The following DCC variants were observed in gnomAD, a reference collection of about 807,000 sequenced individuals.
The protein encoded by DCC is DCC netrin 1 receptor, also known as netrin receptor DCC.
DCC carries 58 observed loss-of-function variants against 172.5 expected under a neutral mutation model. The observed-to-expected ratio is 0.34, with a 90% CI of 0.27 to 0.42. The LOEUF is 0.42. Among genes scored for constraint, DCC ranks in the 10% least tolerant of loss-of-function variants. The pLI is 1.00. For synonymous variants in DCC, 709 were observed against 644.5 expected, an observed-to-expected ratio of 1.10 and a Z score of -1.52; for missense variants, 1,740 against 1,791.0, an observed-to-expected ratio of 0.97 and a Z score of 0.51.
rs547288273 is a variant in DCC at position 53,504,591 on chromosome 18, G to C, written c.4111+5081G>C. Among the ~76,000 whole-genome samples the C allele has an allele frequency of 5.9e-5, 9 of 152,172 alleles. No individual in the cohort carries two copies. In the South Asian group the frequency reaches 1.9e-3, roughly 32 times the overall value. On this transcript the variant is annotated intron_variant, in intron 27 of 28. Coordinates refer to ENST00000442544, the MANE Select transcript of DCC (RefSeq NM_005215.4). ...AATTAGGATGATTCGATTTGGTCTG[G>C]TCATCCTAAATTACCATTGGTAAAA...
At chr18:52,520,499 G>A (rs940558218) in intron 1 of DCC, among the ~76,000 whole-genome samples, 1 of 152,086 alleles carries the variant, frequency 6.6e-6, no homozygotes, top group Admixed American at 6.5e-5. Context: ...TTAATGGTAG[G>A]GTTTCCCGGA....
At chr18:52,445,549 G>T (rs1026725290) in intron 1 of DCC, among the ~76,000 whole-genome samples, 1 of 152,032 alleles carries the variant, frequency 6.6e-6, no homozygotes, top group African/African-American at 2.4e-5. Context: ...TTTAAGTGTT[G>T]TTTATCTGTT....
intron 14 of DCC, among the ~76,000 whole-genome samples, chr18:53,326,187 G>A (rs954104717): frequency 6.6e-6 from 1 of 152,008 alleles, no homozygotes; most frequent in Non-Finnish European, 1.5e-5. Flanking sequence ...ATACACATAA[G>A]CAATCTGAAA....
At chr18:53,346,291 T>A (rs2144885935) in intron 15 of DCC, among the ~76,000 whole-genome samples, 1 of 152,298 alleles carries the variant, frequency 6.6e-6, no homozygotes, top group East Asian at 1.9e-4. Flanking sequence ...TACTATATCT[T>A]GCCTGTGTGT....
chr18:52,930,875 C>G (rs1598942840), intron 5 of DCC, among the ~76,000 whole-genome samples: 1 of 152,174 alleles, frequency 6.6e-6, no homozygotes, highest in Non-Finnish European at 1.5e-5. Context: ...ATTAGACTTA[C>G]ATTTTTATTC....
intron 7 of DCC, among the ~76,000 whole-genome samples, chr18:53,099,943 C>CTTTTTTTTTTTTTTTTT (rs533618559): frequency 5.4e-5 from 5 of 92,748 alleles, no homozygotes; most frequent in African/African-American, 2.0e-4. Flanking sequence ...TTCTTTCTTT[C>CTTTTTTTTTTTTTTTTT]TTTTTTTTTT....
intron 2 of DCC, among the ~76,000 whole-genome samples, chr18:52,886,783 TG>T (rs2039577001): frequency 6.6e-6 from 1 of 151,976 alleles, no homozygotes; most frequent in Admixed American, 6.6e-5. Context: ...GTTCTTCTGA[TG>T]GTGCTTTTTG....
intron 5 of DCC, among the ~76,000 whole-genome samples, chr18:53,057,001 T>C (rs1005579533): frequency 1.3e-5 from 2 of 150,154 alleles, no homozygotes; most frequent in African/African-American, 4.9e-5. Context: ...TACAGTGATA[T>C]TTTAAAATTG....
intron 9 of DCC, among the ~76,000 whole-genome samples, chr18:53,198,135 T>C (rs2055476792): frequency 6.6e-6 from 1 of 152,140 alleles, no homozygotes; most frequent in African/African-American, 2.4e-5. Context: ...CTATGAATGA[T>C]TTGATGATAA....
intron 2 of DCC, among the ~76,000 whole-genome samples, chr18:52,832,453 A>AAACG (rs920945804): frequency 7.2e-5 from 11 of 151,816 alleles, no homozygotes; most frequent in African/African-American, 2.4e-4. Context: ...GTGCACCCTC[A>AAACG]AAAACCCTGT....
At chr18:52,512,514 A>G (rs1314733143) in intron 1 of DCC, among the ~76,000 whole-genome samples, 1 of 152,200 alleles carries the variant, frequency 6.6e-6, no homozygotes. Flanking sequence ...TTAAATTTTA[A>G]TTAAATTTGA....
intron 26 of DCC, among the ~76,000 whole-genome samples, chr18:53,493,020 T>G (rs1186194508): frequency 6.6e-6 from 1 of 152,228 alleles, no homozygotes; most frequent in African/African-American, 2.4e-5. Context: ...GTAGTTCTCT[T>G]TGAAGATGTC....
intron 24 of DCC, among the ~76,000 whole-genome samples, chr18:53,461,983 GT>G (rs1291945039): frequency 6.6e-6 from 1 of 152,194 alleles, no homozygotes; most frequent in African/African-American, 2.4e-5. Flanking sequence ...CAGAAACACT[GT>G]TACATCTTTT....
chr18:52,693,424 A>T (rs2145016917), intron 1 of DCC, among the ~76,000 whole-genome samples: 1 of 147,724 alleles, frequency 6.8e-6, no homozygotes, highest in East Asian at 1.9e-4. Context: ...TATAATATTT[A>T]CATATAAAAT....
chr18:52,885,447 C>A (rs2145412480), intron 2 of DCC, among the ~76,000 whole-genome samples: 1 of 152,266 alleles, frequency 6.6e-6, no homozygotes, highest in East Asian at 1.9e-4. Context: ...CTACCACCAG[C>A]CCACACGGGA....
intron 15 of DCC, among the ~76,000 whole-genome samples, chr18:53,366,762 G>C (rs1198542546): frequency 1.3e-5 from 2 of 152,136 alleles, no homozygotes; most frequent in Non-Finnish European, 2.9e-5. Context: ...GTTGTGCATG[G>C]TTGTATGACT....
At chr18:53,031,603 A>T (rs1348421536) in intron 5 of DCC, among the ~76,000 whole-genome samples, 1 of 152,156 alleles carries the variant, frequency 6.6e-6, no homozygotes, top group Non-Finnish European at 1.5e-5. Context: ...GAGTGAAAAA[A>T]AGGAAAGGGA....
intron 1 of DCC, among the ~76,000 whole-genome samples, chr18:52,480,705 G>T (rs1035066678): frequency 1.3e-5 from 2 of 152,194 alleles, no homozygotes; most frequent in Non-Finnish European, 2.9e-5. Flanking sequence ...GTGTTTTCTG[G>T]TTGAATTTGC....
At chr18:52,889,007 TATAAC>T (rs2039608866) in intron 2 of DCC, among the ~76,000 whole-genome samples, 1 of 151,966 alleles carries the variant, frequency 6.6e-6, no homozygotes, top group South Asian at 2.1e-4. Flanking sequence ...TAATACATAA[TATAAC>T]CAATTTAATT....
Sources: allele counts gnomAD v4.1 joint callset (sites outside exome capture counted in the v4.1 genomes callset), GRCh38; gene constraint gnomAD v4.1.1; transcripts MANE v1.5; gene names NCBI Gene and HGNC (gene_info 2026-07-23, HGNC 2026-07-21).